ST6GALNAC3: variants seen among roughly 807,000 people sequenced by gnomAD.
ST6GALNAC3 encodes the protein alpha-N-acetylgalactosaminide alpha-2,6-sialyltransferase 3.
Under a neutral mutation model 32.7 loss-of-function variants are expected in ST6GALNAC3, and 25 were observed. The observed-to-expected ratio is 0.76, with a 90% CI of 0.56 to 1.07. The LOEUF (loss-of-function observed/expected upper bound fraction) is 1.07. Among genes scored for constraint, ST6GALNAC3 ranks in the 50% least tolerant of loss-of-function variants. The pLI is 0.00. For missense variants in ST6GALNAC3, 355 were observed against 382.4 expected, an observed-to-expected ratio of 0.93 and a Z score of 0.60; for synonymous variants, 129 against 133.1, an observed-to-expected ratio of 0.97 and a Z score of 0.21.
chr1:76,412,927 C>T (rs1177369488), intron 3 of ST6GALNAC3: 12 of 277,814 alleles, frequency 4.3e-5, no homozygotes, highest in Non-Finnish European at 7.1e-5. Context: ...TGGTATCTAA[C>T]TTGTTCAGCA....
At chr1:76,136,104 C>T (rs1469640488) in intron 1 of ST6GALNAC3, among the ~76,000 whole-genome samples, 1 of 152,208 alleles carries the variant, frequency 6.6e-6, no homozygotes, top group African/African-American at 2.4e-5. Flanking sequence ...GAATTCTTAA[C>T]ACAGGTGCTT....
chr1:76,623,610 A>G (rs1034758705), intron 3 of ST6GALNAC3, among the ~76,000 whole-genome samples: 1 of 151,946 alleles, frequency 6.6e-6, no homozygotes, highest in Non-Finnish European at 1.5e-5. Flanking sequence ...GCCCCAGAGG[A>G]TATCCTTTAA....
intron 3 of ST6GALNAC3, among the ~76,000 whole-genome samples, chr1:76,544,060 C>T (rs1180484318): frequency 2.1e-5 from 3 of 139,956 alleles, no homozygotes; most frequent in Non-Finnish European, 4.6e-5. Context: ...GGGAGATAGT[C>T]ATCATTAATT....
At chr1:76,106,135 G>C (rs1313949824) in intron 1 of ST6GALNAC3, among the ~76,000 whole-genome samples, 2 of 152,204 alleles carry the variant, frequency 1.3e-5, no homozygotes, top group Admixed American at 6.5e-5. Context: ...ACCTGGCATA[G>C]GGCCTTGAAC....
intron 2 of ST6GALNAC3, among the ~76,000 whole-genome samples, chr1:76,383,343 T>A (rs1463605433): frequency 6.6e-6 from 1 of 151,998 alleles, no homozygotes; most frequent in Non-Finnish European, 1.5e-5. Flanking sequence ...TGACCAAAGC[T>A]CACTGCAGCC....
At chr1:76,357,787 T>A (rs1050029601) in intron 2 of ST6GALNAC3, among the ~76,000 whole-genome samples, 1 of 152,194 alleles carries the variant, frequency 6.6e-6, no homozygotes, top group Non-Finnish European at 1.5e-5. Context: ...AAGTGCTCAG[T>A]GGTATTTTCA....
At chr1:76,292,252 A>T (rs1183865662) in intron 1 of ST6GALNAC3, among the ~76,000 whole-genome samples, 1 of 152,158 alleles carries the variant, frequency 6.6e-6, no homozygotes, top group Non-Finnish European at 1.5e-5. Flanking sequence ...GTCCCAATTT[A>T]AAATTATTAT....
intron 3 of ST6GALNAC3, among the ~76,000 whole-genome samples, chr1:76,537,186 A>G (rs1481619390): frequency 6.6e-6 from 1 of 152,194 alleles, no homozygotes; most frequent in Non-Finnish European, 1.5e-5. Flanking sequence ...TAAGAAACTC[A>G]CTCAAAACCA....
chr1:76,262,683 A>C (rs1169764638), intron 1 of ST6GALNAC3, among the ~76,000 whole-genome samples: 7 of 152,176 alleles, frequency 4.6e-5, no homozygotes, highest in Non-Finnish European at 8.8e-5. Flanking sequence ...GAAAGATGGC[A>C]GTGGAATTAG....
intron 1 of ST6GALNAC3, among the ~76,000 whole-genome samples, chr1:76,275,385 A>G (rs935275986): frequency 9.2e-5 from 14 of 152,190 alleles, no homozygotes; most frequent in African/African-American, 2.7e-4. Flanking sequence ...TTGAAATATT[A>G]AACTCTGATT....
intron 3 of ST6GALNAC3, among the ~76,000 whole-genome samples, chr1:76,537,829 A>G (rs1663716707): frequency 6.6e-6 from 1 of 152,138 alleles, no homozygotes; most frequent in Admixed American, 6.6e-5. Flanking sequence ...AGGAAGTCAA[A>G]TCTCTGAATA....
chr1:76,303,831 C>A (rs1660873570), intron 1 of ST6GALNAC3, among the ~76,000 whole-genome samples: 1 of 152,028 alleles, frequency 6.6e-6, no homozygotes. Context: ...CTATCAGGAA[C>A]TTCAAAGCAA....
intron 1 of ST6GALNAC3, among the ~76,000 whole-genome samples, chr1:76,236,653 A>G (rs1351084524): frequency 6.6e-6 from 1 of 152,140 alleles, no homozygotes; most frequent in East Asian, 1.9e-4. Flanking sequence ...GAGGCTTCAC[A>G]ACTTGTTTAT....
At chr1:76,590,415 A>G (rs1647029434) in intron 3 of ST6GALNAC3, among the ~76,000 whole-genome samples, 1 of 152,206 alleles carries the variant, frequency 6.6e-6, no homozygotes, top group Non-Finnish European at 1.5e-5. Flanking sequence ...AATATTTCAA[A>G]CACACACTTG....
At chr1:76,250,498 A>G (rs1657547049) in intron 1 of ST6GALNAC3, among the ~76,000 whole-genome samples, 1 of 152,176 alleles carries the variant, frequency 6.6e-6, no homozygotes, top group Non-Finnish European at 1.5e-5. Flanking sequence ...CTCACTTGGA[A>G]GCGTTAATCC....
chr1:76,523,605 G>T (rs1016020891), intron 3 of ST6GALNAC3, among the ~76,000 whole-genome samples: 1 of 152,140 alleles, frequency 6.6e-6, no homozygotes, highest in Admixed American at 6.5e-5. Flanking sequence ...TTTGTCTGTA[G>T]TCTGGAGATC....
intron 1 of ST6GALNAC3, among the ~76,000 whole-genome samples, chr1:76,257,327 C>A (rs1328034724): frequency 6.6e-6 from 1 of 152,048 alleles, no homozygotes; most frequent in African/African-American, 2.4e-5. Context: ...ACTGACGGGA[C>A]TTATAATAGT....
intron 1 of ST6GALNAC3, among the ~76,000 whole-genome samples, chr1:76,195,290 G>C (rs961507091): frequency 1.3e-5 from 2 of 152,122 alleles, no homozygotes; most frequent in African/African-American, 4.8e-5. Context: ...AAAAAATTAT[G>C]TTCATGAAAA....
intron 1 of ST6GALNAC3, among the ~76,000 whole-genome samples, chr1:76,247,023 T>G (rs1657301760): frequency 6.6e-6 from 1 of 152,168 alleles, no homozygotes; most frequent in South Asian, 2.1e-4. Flanking sequence ...TGTTGTTGCT[T>G]TCTGTTTGTT....
Sources: allele counts gnomAD v4.1 joint callset (sites outside exome capture counted in the v4.1 genomes callset), GRCh38; gene constraint gnomAD v4.1.1; transcripts MANE v1.5; gene names NCBI Gene and HGNC (gene_info 2026-07-23, HGNC 2026-07-21).